Variants in TSHZ2 observed in about 807,000 individuals in gnomAD.
The protein encoded by TSHZ2 is teashirt homolog 2.
A neutral mutation model predicts 74.4 loss-of-function variants in TSHZ2; 21 were observed. The observed-to-expected ratio is 0.28, with a 90% CI of 0.20 to 0.41. TSHZ2 has a LOEUF of 0.41. Among genes scored for constraint, TSHZ2 ranks in the 10% least tolerant of loss-of-function variants. TSHZ2 has a pLI of 1.00. For missense variants in TSHZ2, 1,244 were observed against 1,293.5 expected, an observed-to-expected ratio of 0.96 and a Z score of 0.59; for synonymous variants, 540 against 515.3, an observed-to-expected ratio of 1.05 and a Z score of -0.65.
chr20:53,225,156 G>A (rs954769721), intron 1 of TSHZ2, among the ~76,000 whole-genome samples: 11 of 152,322 alleles, frequency 7.2e-5, no homozygotes, highest in Middle Eastern at 3.4e-3. Context: ...TGGCCTGTGG[G>A]CCATAGGTGG....
intron 2 of TSHZ2, among the ~76,000 whole-genome samples, chr20:53,336,816 A>G (rs1979967831): frequency 6.6e-6 from 1 of 152,210 alleles, no homozygotes; most frequent in South Asian, 2.1e-4. Flanking sequence ...TGTATTATAT[A>G]TATGAATAGA....
chr20:53,359,387 C>T (rs905499408), intron 2 of TSHZ2, among the ~76,000 whole-genome samples: 1 of 152,154 alleles, frequency 6.6e-6, no homozygotes, highest in African/African-American at 2.4e-5. Context: ...TACATGCCTA[C>T]AATTCCTTAG....
Position 53,182,249 on chromosome 20 carries a change from T to TTTCC in TSHZ2, c.41-71250_41-71249insTTCC, listed in dbSNP as rs61598200. Reference sequence around the variant, plus strand: ...TCTTGACTCCCTCCTTCCTTCCTTCTATCATTTTTTCTCTCCTTCTTCCCT... The same window carrying TTTCC: ...TCTTGACTCCCTCCTTCCTTCCTTCTTTCCATCATTTTTTCTCTCCTTCTTCCCT... On this transcript the variant is annotated intron_variant, in intron 1 of 2. Transcript: ENST00000371497. Among the ~76,000 whole-genome samples the TTTCC allele has an allele frequency of 2.9e-3, 417 of 143,556 alleles. 1 individual carries two copies. Among genetic ancestry groups the TTTCC allele is most frequent in the Admixed American group, 6.5e-3 (89 of 13,624 alleles). 94.2% of individuals were successfully genotyped at this position (143,556 alleles called of 152,430 possible). A position where few individuals can be genotyped will look rare whatever the true frequency, so the allele number is the denominator to read the frequency against.
intron 2 of TSHZ2, among the ~76,000 whole-genome samples, chr20:53,316,930 C>G (rs1053793590): frequency 2.0e-5 from 3 of 151,750 alleles, no homozygotes; most frequent in African/African-American, 7.3e-5. Flanking sequence ...TTAATAACAC[C>G]CTGTTTCAAT....
At chr20:53,307,326 C>T (rs910715034) in intron 2 of TSHZ2, among the ~76,000 whole-genome samples, 1 of 152,160 alleles carries the variant, frequency 6.6e-6, no homozygotes, top group Non-Finnish European at 1.5e-5. Context: ...CCCAAAAGAG[C>T]TGACCCTCTC....
intron 1 of TSHZ2, among the ~76,000 whole-genome samples, chr20:53,014,048 C>CAT (rs1982946032): frequency 6.6e-6 from 1 of 152,100 alleles, no homozygotes; most frequent in South Asian, 2.1e-4. Context: ...AACAAAATAC[C>CAT]ATAGACTGGG....
chr20:53,046,817 G>A (rs979968271), intron 1 of TSHZ2, among the ~76,000 whole-genome samples: 7 of 152,322 alleles, frequency 4.6e-5, no homozygotes, highest in Middle Eastern at 3.4e-3. Context: ...ATACTAACCT[G>A]TGGTGTTGGG....
intron 1 of TSHZ2, among the ~76,000 whole-genome samples, chr20:53,003,762 C>T (rs2252098): frequency 0.43 from 65,093 of 152,026 alleles, 14,316 homozygotes; most frequent in Non-Finnish European, 0.47. Context: ...TGGAAAGATG[C>T]GAGCCCACAG....
At chr20:53,407,942 T>G (rs917664052) in intron 2 of TSHZ2, among the ~76,000 whole-genome samples, 1 of 152,216 alleles carries the variant, frequency 6.6e-6, no homozygotes, top group African/African-American at 2.4e-5. Context: ...CATTTAAAAA[T>G]GTAAAAACAA....
intron 1 of TSHZ2, among the ~76,000 whole-genome samples, chr20:53,051,555 T>G (rs1984470678): frequency 6.6e-6 from 1 of 151,708 alleles, no homozygotes. Context: ...TGTAGAGAAC[T>G]AAAGAAAACA....
intron 2 of TSHZ2, among the ~76,000 whole-genome samples, chr20:53,279,456 G>A (rs558516321): frequency 2.0e-5 from 3 of 152,116 alleles, no homozygotes; most frequent in African/African-American, 7.2e-5. Context: ...CTCTTACTTT[G>A]TTGGCCCTAT....
At position 53,188,683 on chromosome 20, in the gene TSHZ2, C is replaced by T. The variant is rs150193809; in HGVS notation, c.41-64816C>T. ...ATAATTAAATATATATGTCTAGCTC[C>T]ATCTTACACACACATATACATATGA... is the stretch of plus-strand genomic sequence containing the variant. On this transcript the variant is annotated intron_variant, in intron 1 of 2. Transcript: ENST00000371497. 7.6e-3 allele frequency among the ~76,000 whole-genome samples: 1,156 copies of T among 152,204 alleles called. 10 individuals are homozygous for T. Among genetic ancestry groups the T allele is most frequent in the African/African-American group, 0.026 (1,097 of 41,522 alleles).
chr20:53,472,847 A>T (rs920008705), intron 2 of TSHZ2, among the ~76,000 whole-genome samples: 1 of 152,040 alleles, frequency 6.6e-6, no homozygotes, highest in South Asian at 2.1e-4. Context: ...TCACTCGGGA[A>T]GCGCAAGGGG....
At chr20:53,371,027 C>T (rs1026284057) in intron 2 of TSHZ2, among the ~76,000 whole-genome samples, 5 of 152,222 alleles carry the variant, frequency 3.3e-5, no homozygotes, top group East Asian at 3.9e-4. Flanking sequence ...GGGTTGCGGC[C>T]GCATCGCTCC....
intron 2 of TSHZ2, among the ~76,000 whole-genome samples, chr20:53,274,925 T>A (rs886275148): frequency 7.2e-5 from 11 of 152,118 alleles, no homozygotes; most frequent in Admixed American, 2.0e-4. Flanking sequence ...CAGCCACAGG[T>A]TTTTCCCCCA....
At chr20:53,251,975 G>A (rs974729669) in intron 1 of TSHZ2, among the ~76,000 whole-genome samples, 1 of 152,200 alleles carries the variant, frequency 6.6e-6, no homozygotes, top group Admixed American at 6.5e-5. Context: ...CTAGCTGTGT[G>A]GCCTTGGGTG....
chr20:53,002,190 A>G (rs1982467652), intron 1 of TSHZ2, among the ~76,000 whole-genome samples: 1 of 152,208 alleles, frequency 6.6e-6, no homozygotes, highest in African/African-American at 2.4e-5. Context: ...AATGGTATCC[A>G]TGTTAGAAAT....
Position 53,053,841 on chromosome 20 carries a change from C to T in TSHZ2, c.40+80508C>T, listed in dbSNP as rs545530720. ...AGTGTTAGTGGCAAGTTTATCACTC[C>T]AGTATCTGTGAAAGCCACTGCATTT... On this transcript the variant is annotated intron_variant, in intron 1 of 2. Coordinates refer to ENST00000371497, the MANE Select transcript of TSHZ2 (RefSeq NM_173485.6). 7.2e-5 allele frequency among the ~76,000 whole-genome samples: 11 copies of T among 152,302 alleles called. No individual in the cohort carries two copies. The South Asian group carries it at 2.1e-3, about 29-fold the overall frequency.
intron 1 of TSHZ2, among the ~76,000 whole-genome samples, chr20:53,107,083 G>T (rs1286137248): frequency 6.6e-6 from 1 of 152,146 alleles, no homozygotes; most frequent in Non-Finnish European, 1.5e-5. Context: ...CCAGTTCACT[G>T]TAGGGTCCTG....
Sources: gnomAD v4.1 joint callset for allele counts (sites outside exome capture counted in the v4.1 genomes callset) on GRCh38, gnomAD v4.1.1 for gene constraint, MANE v1.5 for transcripts, NCBI Gene and HGNC (gene_info 2026-07-23, HGNC 2026-07-21) for gene names.